The following TNR variants were observed in gnomAD, a reference collection of about 807,000 sequenced individuals.
The protein encoded by TNR is tenascin-R.
A neutral mutation model predicts 150.4 loss-of-function variants in TNR; 45 were observed. That is an observed-to-expected ratio of 0.30 (90% CI 0.24 to 0.38). The LOEUF (loss-of-function observed/expected upper bound fraction) is 0.38. Among genes scored for constraint, TNR ranks in the 10% least tolerant of loss-of-function variants. The pLI, the probability that TNR is intolerant of heterozygous loss-of-function variation, is 1.00. For synonymous variants in TNR, 687 were observed against 678.4 expected, an observed-to-expected ratio of 1.01 and a Z score of -0.20; for missense variants, 1,544 against 1,759.1, an observed-to-expected ratio of 0.88 and a Z score of 2.19.
At chr1:175,386,443 A>T (rs1652936243) in intron 7 of TNR, 142 bp from the exon 8 acceptor site, 1 of 933,250 alleles carries the variant, frequency 1.1e-6, no homozygotes, top group Admixed American at 3.5e-5. Context: ...GATGAGGAAA[A>T]TGAGACACAG....
At chr1:175,629,485 T>C (rs534887694) in intron 1 of TNR, among the ~76,000 whole-genome samples, 33 of 149,682 alleles carry the variant, frequency 2.2e-4, no homozygotes, top group African/African-American at 7.5e-4. Flanking sequence ...CTGAGAACAA[T>C]TTTTTTTTCT....
chr1:175,356,642 T>C (rs1168059572), intron 15 of TNR, among the ~76,000 whole-genome samples, 180 bp from the exon 16 acceptor site: 4 of 152,150 alleles, frequency 2.6e-5, no homozygotes, highest in African/African-American at 7.2e-5. Flanking sequence ...TCTCATATCA[T>C]AATTGAAAAA....
chr1:175,346,280 A>G (rs1332799150), intron 18 of TNR, among the ~76,000 whole-genome samples: 1 of 152,220 alleles, frequency 6.6e-6, no homozygotes, highest in Non-Finnish European at 1.5e-5. Context: ...GCTATAATTA[A>G]CAGAGAGAAA....
intron 8 of TNR, 94 bp from the exon 9 acceptor site, chr1:175,379,831 C>T (rs1172423898): frequency 2.9e-6 from 4 of 1,384,468 alleles, no homozygotes; most frequent in Non-Finnish European, 4.0e-6. Flanking sequence ...TGGTGACAGC[C>T]CACACCCCCT....
intron 18 of TNR, among the ~76,000 whole-genome samples, chr1:175,342,111 G>C (rs1650550588): frequency 6.6e-6 from 1 of 152,236 alleles, no homozygotes; most frequent in African/African-American, 2.4e-5. Context: ...ATATAAAGAA[G>C]GAAAAGACAC....
chr1:175,544,286 A>G (rs981146008), intron 1 of TNR, among the ~76,000 whole-genome samples: 2 of 152,216 alleles, frequency 1.3e-5, no homozygotes, highest in African/African-American at 4.8e-5. Flanking sequence ...CTAAAATTCA[A>G]GCAAAGGATA....
intron 2 of TNR, among the ~76,000 whole-genome samples, chr1:175,432,531 G>C (rs958184178): frequency 2.0e-5 from 3 of 150,586 alleles, no homozygotes; most frequent in African/African-American, 4.9e-5. Flanking sequence ...TTTCTTCCTT[G>C]TTCTTGTTCC....
In TNR at chr1:175,337,623, T is replaced by G. The variant is rs1434454295; in HGVS notation, c.3439A>C (p.Thr1147Pro). The change falls in exon 19 of 23, where the codon ACT (threonine) becomes CCT (proline). Residue 1147 changes from threonine (T) to proline (P), a missense_variant. This residue lies in a region of TNR where 290 missense variants were observed against 429.7 expected (regional missense o/e 0.67). Transcript: ENST00000367674. ...AAGATGGGGTAAACCCCACTCAAAG[T>G]GTCTCCATTCATCAAATGCTGGGCA... is the stretch of plus-strand genomic sequence containing the variant. ...DCAQHLMNGD[T>P]LSGVYPIFLN... The G allele has an allele frequency of 4.3e-6, 7 of 1,614,104 alleles. No individual in the cohort carries two copies. Among genetic ancestry groups the G allele is most frequent in the Non-Finnish European group, 5.9e-6 (7 of 1,180,040 alleles).
rs112449355 is a variant in TNR at position 175,697,536 on chromosome 1, C to G, written c.-165+45690G>C. 2.5e-3 allele frequency among the ~76,000 whole-genome samples: 385 copies of G among 152,330 alleles called. 4 individuals are homozygous for G. Among genetic ancestry groups the G allele is most frequent in the African/African-American group, 9.0e-3 (375 of 41,574 alleles). ...GCTGGGAAGTCCCCGCCCAGCCCCC[C>G]ACAGGTTGACTATGCCTTCCACTTC... On this transcript the variant is annotated intron_variant, in intron 1 of 22. Coordinates refer to ENST00000367674, the MANE Select transcript of TNR (RefSeq NM_003285.3).
At chr1:175,555,932 A>G (rs1277683231) in intron 1 of TNR, among the ~76,000 whole-genome samples, 2 of 152,194 alleles carry the variant, frequency 1.3e-5, no homozygotes, top group Non-Finnish European at 2.9e-5. Context: ...CTGTTGTTCA[A>G]TGATTTGAAG....
chr1:175,347,890 T>A (rs1650873388), intron 18 of TNR, among the ~76,000 whole-genome samples: 1 of 152,138 alleles, frequency 6.6e-6, no homozygotes, highest in African/African-American at 2.4e-5. Flanking sequence ...TTTATCATAG[T>A]TCAGGAGGTC....
intron 2 of TNR, among the ~76,000 whole-genome samples, chr1:175,432,663 CTGAG>C (rs1655328598): frequency 6.6e-6 from 1 of 151,796 alleles, no homozygotes; most frequent in Non-Finnish European, 1.5e-5. Context: ...GCTCCTCTTG[CTGAG>C]TATTTTTTTT....
chr1:175,559,812 G>T (rs80096758), intron 1 of TNR, among the ~76,000 whole-genome samples: 2 of 152,160 alleles, frequency 1.3e-5, no homozygotes, highest in African/African-American at 4.8e-5. Flanking sequence ...TTATACACAA[G>T]TGCAAGAATT....
chr1:175,554,588 G>A (rs1487069691), intron 1 of TNR, among the ~76,000 whole-genome samples: 1 of 152,170 alleles, frequency 6.6e-6, no homozygotes, highest in African/African-American at 2.4e-5. Flanking sequence ...AAGCAAAATT[G>A]TGTTTGCCAA....
At chr1:175,543,006 G>T (rs1029196762) in intron 1 of TNR, among the ~76,000 whole-genome samples, 1 of 152,154 alleles carries the variant, frequency 6.6e-6, no homozygotes, top group Non-Finnish European at 1.5e-5. Context: ...CAGTCACAGT[G>T]CTCAGAAGGG....
rs5778870 is a variant in TNR, at chr1:175,696,217, G to GTTTTTTTT, written c.-165+47001_-165+47008dup. On this transcript the variant is annotated intron_variant, in intron 1 of 22. Coordinates refer to ENST00000367674, the MANE Select transcript of TNR (RefSeq NM_003285.3). Reference sequence around the variant, plus strand: ...ATGCCATTAAATGAGCCTTCCTGTAGTTTTTTTTTTTTTTTTTTTTTTTTT... The same window carrying GTTTTTTTT: ...ATGCCATTAAATGAGCCTTCCTGTAGTTTTTTTTTTTTTTTTTTTTTTTTTTTTTTTTT... Among the ~76,000 whole-genome samples the GTTTTTTTT allele has an allele frequency of 1.5e-4, 6 of 40,454 alleles. 1 individual carries two copies. Among genetic ancestry groups the GTTTTTTTT allele is most frequent in the African/African-American group, 4.6e-4 (6 of 13,098 alleles). 26.5% of individuals were successfully genotyped at this position (40,454 alleles called of 152,430 possible). A position where few individuals can be genotyped will look rare whatever the true frequency, so the allele number is the denominator to read the frequency against.
Position 175,729,456 on chromosome 1 carries a change from G to A in TNR, c.-165+13770C>T, listed in dbSNP as rs891795006. Among the ~76,000 whole-genome samples, 5 of 151,948 alleles carry A rather than the reference G, an allele frequency of 3.3e-5. No individual in the cohort carries two copies. The South Asian group carries it at 1.0e-3, about 32-fold the overall frequency. The stretch of plus-strand genomic sequence containing the variant: ...CTCTCTGTCCCCCTTTCAAGACAGG[G>A]TCTTGCTCTGTCTCCACGCCAGAGT... On this transcript the variant is annotated intron_variant, in intron 1 of 22. Transcript: ENST00000367674.
At chr1:175,434,708 G>A (rs1655420469) in intron 2 of TNR, among the ~76,000 whole-genome samples, 1 of 152,084 alleles carries the variant, frequency 6.6e-6, no homozygotes, top group Non-Finnish European at 1.5e-5. Context: ...CGGGAATACG[G>A]TATGTGTGTT....
chr1:175,701,474 C>T (rs1666694622), intron 1 of TNR, among the ~76,000 whole-genome samples: 1 of 152,230 alleles, frequency 6.6e-6, no homozygotes, highest in African/African-American at 2.4e-5. Flanking sequence ...TCCTTGGCTC[C>T]TCAACCCCAG....
Sources: allele counts gnomAD v4.1 joint callset (sites outside exome capture counted in the v4.1 genomes callset), GRCh38; gene constraint gnomAD v4.1.1; regional missense constraint gnomAD v4.1.1; transcripts MANE v1.5; gene names NCBI Gene and HGNC (gene_info 2026-07-23, HGNC 2026-07-21).